The following MARCHF8 variants were observed in gnomAD, a reference collection of about 807,000 sequenced individuals.
The protein encoded by MARCHF8 is membrane associated ring-CH-type finger 8, also known as E3 ubiquitin-protein ligase MARCHF8.
MARCHF8 carries 40 observed loss-of-function variants against 51.6 expected under a neutral mutation model. The ratio of observed to expected loss-of-function variants is 0.77; its 90% CI spans 0.60 to 1.01. The LOEUF is 1.01. Ranked by LOEUF, MARCHF8 falls within the 50% of genes least tolerant of loss-of-function variation. The pLI is 0.00. For synonymous variants in MARCHF8, 263 were observed against 280.3 expected (o/e 0.94, Z 0.62); for missense variants, 685 against 708.6 (o/e 0.97, Z 0.38).
intron 1 of MARCHF8, among the ~76,000 whole-genome samples, chr10:45,567,470 G>A (rs529595529): frequency 6.6e-6 from 1 of 152,246 alleles, no homozygotes; most frequent in Admixed American, 6.5e-5. Context: ...AAGAGATAGG[G>A]GTCTAGTTTA....
At chr10:45,527,178 G>A (rs2043807421) in intron 2 of MARCHF8, among the ~76,000 whole-genome samples, 3 of 151,842 alleles carry the variant, frequency 2.0e-5, no homozygotes, top group East Asian at 1.9e-4. Context: ...TGCCTAAATC[G>A]AAAAAAATAG....
In MARCHF8 at chr10:45,458,192, C is replaced by T. The variant is rs1234262013; in HGVS notation, c.*47G>A. 1.3e-6 allele frequency: 2 copies of T among 1,551,592 alleles called. No homozygotes were observed. Among genetic ancestry groups the T allele is most frequent in the South Asian group, 1.2e-5 (1 of 80,322 alleles). ...GTATACAATTGGCAGTAAACAATTTCCTTCAGCTCTTCATGGATGTCCAGG... is the reference window on the plus strand; with the variant it reads ...GTATACAATTGGCAGTAAACAATTTTCTTCAGCTCTTCATGGATGTCCAGG... On this transcript the variant is annotated 3_prime_UTR_variant, in exon 8 of 8. Transcript: ENST00000453424.
chr10:45,525,457 ATG>A (rs1275643401), intron 2 of MARCHF8, among the ~76,000 whole-genome samples: 1 of 152,188 alleles, frequency 6.6e-6, no homozygotes, highest in African/African-American at 2.4e-5. Context: ...AAATTGAAAA[ATG>A]TATTTTTTGG....
At chr10:45,585,418 C>T (rs186884042) in intron 1 of MARCHF8, among the ~76,000 whole-genome samples, 152 of 152,198 alleles carry the variant, frequency 1.0e-3, no homozygotes, top group African/African-American at 3.3e-3. Flanking sequence ...TGAACTACGG[C>T]CATACAAAAA....
chr10:45,553,663 T>A lies in MARCHF8; in HGVS notation c.-78-20374A>T, dbSNP rs542090912. On this transcript the variant is annotated intron_variant, in intron 1 of 6. Transcript: ENST00000319836. ...ACAATAAACTGGTAAATTCACACAA[T>A]GAAATAGACAAAAAGGCATGACAAA... Among the ~76,000 whole-genome samples the A allele has an allele frequency of 3.9e-5, 6 of 152,178 alleles. No individual in the cohort carries two copies. The South Asian group carries it at 8.3e-4, about 21-fold the overall frequency.
At chr10:45,550,026 G>A (rs1368056017) in intron 1 of MARCHF8, among the ~76,000 whole-genome samples, 1 of 152,226 alleles carries the variant, frequency 6.6e-6, no homozygotes, top group Non-Finnish European at 1.5e-5. Flanking sequence ...ACTGCAAACA[G>A]GCAGAGCTGG....
At position 45,463,925 on chromosome 10, in the gene MARCHF8, T is replaced by C. The variant is rs1842881753; in HGVS notation, c.314A>G (p.His105Arg). ...CCCTTGTGTCAGAGAACTCTGGCAG[T>C]GAGGAGCTTTCGAGACAACAGCAGA... is the stretch of plus-strand genomic sequence containing the variant. ...VQSAVVSKAP[H>R]CQSSLTQGLT... The change falls in exon 5 of 8, where the codon CAC becomes CGC. Residue 105 changes from histidine (H) to arginine (R), a missense_variant. Physicochemically the swap from His to Arg is conservative, Grantham distance 29. Transcript: ENST00000453424. The C allele has an allele frequency of 2.6e-6, 4 of 1,536,230 alleles. No individual in the cohort carries two copies. Among genetic ancestry groups the C allele is most frequent in the Middle Eastern group, 3.3e-4 (2 of 5,990 alleles).
rs112813953 is a variant in MARCHF8, at chr10:45,515,704, T to C, written c.102+17406A>G. Among the ~76,000 whole-genome samples, 37 of 152,300 alleles carry C rather than the reference T, an allele frequency of 2.4e-4. 2 individuals carry two copies. Among genetic ancestry groups the C allele is most frequent in the African/African-American group, 6.5e-4 (27 of 41,566 alleles). ...ACAGAGGCCTCACCAAGTCCCCTCATTGCCTTCCACTTCACAAGGACATTC... is the reference window on the plus strand; with the variant it reads ...ACAGAGGCCTCACCAAGTCCCCTCACTGCCTTCCACTTCACAAGGACATTC... On this transcript the variant is annotated intron_variant, in intron 2 of 7. Coordinates refer to ENST00000453424, the MANE Select transcript of MARCHF8 (RefSeq NM_001282866.2).
intron 3 of MARCHF8, among the ~76,000 whole-genome samples, chr10:45,483,483 C>T (rs1172355313): frequency 6.6e-6 from 1 of 152,112 alleles, no homozygotes; most frequent in Non-Finnish European, 1.5e-5. Flanking sequence ...CAAATTAGTA[C>T]AACCAGTATG....
At chr10:45,482,333 C>T (rs935588071) in intron 3 of MARCHF8, among the ~76,000 whole-genome samples, 2 of 152,000 alleles carry the variant, frequency 1.3e-5, no homozygotes, top group Non-Finnish European at 2.9e-5. Context: ...CATATGGAAC[C>T]AAAAAAGAGC....
At chr10:45,580,005 A>G (rs979096403) in intron 1 of MARCHF8, among the ~76,000 whole-genome samples, 121 of 77,150 alleles carry the variant, frequency 1.6e-3, no homozygotes, top group African/African-American at 6.9e-3. Context: ...TCCGTCTCCA[A>G]AAAAAAAAAA....
At chr10:45,557,579 T>TA (rs770784294) in intron 1 of MARCHF8, among the ~76,000 whole-genome samples, 2 of 152,108 alleles carry the variant, frequency 1.3e-5, no homozygotes, top group Non-Finnish European at 2.9e-5. Context: ...AACCAGTCCT[T>TA]AAAGAAAATA....
intron 3 of MARCHF8, among the ~76,000 whole-genome samples, chr10:45,467,411 A>G (rs1343041128): frequency 2.6e-5 from 4 of 152,218 alleles, no homozygotes; most frequent in Admixed American, 2.6e-4. Flanking sequence ...TCCTTCTGTC[A>G]CGATCTAAAG....
chr10:45,547,649 G>A (rs2044143949), intron 1 of MARCHF8, among the ~76,000 whole-genome samples: 1 of 152,022 alleles, frequency 6.6e-6, no homozygotes, highest in Non-Finnish European at 1.5e-5. Flanking sequence ...TTTCACAGTG[G>A]CACTGCTACG....
chr10:45,544,697 T>C (rs1177299290), intron 1 of MARCHF8, among the ~76,000 whole-genome samples: 2 of 152,182 alleles, frequency 1.3e-5, no homozygotes, highest in African/African-American at 4.8e-5. Context: ...TTGGGTGTAG[T>C]TGTGGGTACT....
intron 1 of MARCHF8, among the ~76,000 whole-genome samples, chr10:45,569,454 T>C (rs760166217): frequency 5.3e-5 from 8 of 152,248 alleles, no homozygotes; most frequent in Admixed American, 1.3e-4. Flanking sequence ...TAAATCCCAC[T>C]TGGTCATGTT....
chr10:45,492,548 C>T (rs1280806093), intron 2 of MARCHF8, among the ~76,000 whole-genome samples: 2 of 152,190 alleles, frequency 1.3e-5, no homozygotes, highest in Non-Finnish European at 2.9e-5. Flanking sequence ...CTGCCCGCCT[C>T]GGCCTCCCAA....
chr10:45,590,175 T>C (rs2133446042), intron 1 of MARCHF8, among the ~76,000 whole-genome samples: 1 of 152,352 alleles, frequency 6.6e-6, no homozygotes, highest in Non-Finnish European at 1.5e-5. Context: ...AACATGGTAT[T>C]TCACTGTGGT....
intron 3 of MARCHF8, among the ~76,000 whole-genome samples, chr10:45,469,234 C>T (rs1843077866): frequency 1.3e-5 from 2 of 152,062 alleles, no homozygotes; most frequent in Non-Finnish European, 2.9e-5. Flanking sequence ...GACCAGGGAA[C>T]CTGGATGGAG....
Sources: allele counts gnomAD v4.1 joint callset (sites outside exome capture counted in the v4.1 genomes callset), GRCh38; gene constraint gnomAD v4.1.1; transcripts MANE v1.5; gene names NCBI Gene and HGNC (gene_info 2026-07-23, HGNC 2026-07-21).